USP34: variants seen among roughly 807,000 people sequenced by gnomAD.
The protein encoded by USP34 is ubiquitin carboxyl-terminal hydrolase 34.
Under a neutral mutation model 460.3 loss-of-function variants are expected in USP34, and 70 were observed. The ratio of observed to expected loss-of-function variants is 0.15; its 90% CI spans 0.13 to 0.19. The LOEUF is 0.19. Ranked by LOEUF, USP34 falls within the 10% of genes least tolerant of loss-of-function variation. USP34 has a pLI of 1.00. For synonymous variants in USP34, 1,647 were observed against 1,405.3 expected (o/e 1.17, Z -3.85); for missense variants, 3,985 against 4,236.2 (o/e 0.94, Z 1.65).
intron 10 of USP34, among the ~76,000 whole-genome samples, chr2:61,363,364 G>A (rs879269870): frequency 6.6e-6 from 1 of 152,136 alleles, no homozygotes; most frequent in Non-Finnish European, 1.5e-5. Flanking sequence ...CTAGGTACAC[G>A]ATCTTGTGTG....
chr2:61,417,802 C>T (rs1278226331), intron 2 of USP34, among the ~76,000 whole-genome samples: 4 of 133,648 alleles, frequency 3.0e-5, no homozygotes, highest in Non-Finnish European at 6.1e-5. Flanking sequence ...AGTACAGTGG[C>T]GTGATCTCAG....
chr2:61,242,435 AAG>A (rs1208329166), intron 51 of USP34, among the ~76,000 whole-genome samples: 23 of 148,764 alleles, frequency 1.5e-4, no homozygotes, highest in African/African-American at 5.2e-4. Context: ...AGAAAAAGGT[AAG>A]AGTCAACCAA....
At chr2:61,317,933 C>T (rs920946067) in intron 22 of USP34, among the ~76,000 whole-genome samples, 166 bp from the exon 23 acceptor site, 2 of 151,992 alleles carry the variant, frequency 1.3e-5, no homozygotes, top group East Asian at 1.9e-4. Context: ...TTGCTGGGCA[C>T]GGTGGCTCAG....
chr2:61,344,767 G>C (rs1346939702), intron 15 of USP34, among the ~76,000 whole-genome samples: 3 of 152,136 alleles, frequency 2.0e-5, no homozygotes, highest in Admixed American at 6.5e-5. Flanking sequence ...GTGAATGTTT[G>C]TATCTATAAT....
At chr2:61,194,321 A>C in intron 75 of USP34, 3 of 984,694 alleles carry the variant, frequency 3.0e-6, no homozygotes, top group Non-Finnish European at 3.6e-6. Context: ...GTATCACCAC[A>C]CACATAGGTA....
At chr2:61,256,580 A>AT (rs1261253022) in intron 47 of USP34, 102 bp from the exon 48 acceptor site, 275 of 760,300 alleles carry the variant, frequency 3.6e-4, no homozygotes, top group South Asian at 5.6e-4. Flanking sequence ...CAGCAAAAAA[A>AT]TTTTTTTTTT....
At chr2:61,376,028 CAG>C in intron 8 of USP34, among the ~76,000 whole-genome samples, 1 of 152,076 alleles carries the variant, frequency 6.6e-6, no homozygotes, top group East Asian at 1.9e-4. Flanking sequence ...TCTACAGAGA[CAG>C]AAAGTAGATT....
At chr2:61,394,370 G>A (rs1231322268) in intron 5 of USP34, among the ~76,000 whole-genome samples, 1 of 151,592 alleles carries the variant, frequency 6.6e-6, no homozygotes, top group African/African-American at 2.4e-5. Flanking sequence ...AAATGGCCTG[G>A]GCAACATGGT....
intron 48 of USP34, 108 bp downstream of exon 48, chr2:61,256,276 T>G: frequency 1.0e-6 from 1 of 1,004,988 alleles, no homozygotes; most frequent in Non-Finnish European, 1.5e-6. Flanking sequence ...ATGCAGCTGA[T>G]TTTACCTTCA....
At position 61,343,870 on chromosome 2, in the gene USP34, G is replaced by T. The variant is rs369333817; in HGVS notation, c.2445C>A (p.His815Gln). 5.0e-6 allele frequency: 8 copies of T among 1,613,950 alleles called. No homozygotes were observed. Among genetic ancestry groups the T allele is most frequent in the Non-Finnish European group, 6.8e-6 (8 of 1,179,928 alleles). Residue 815 changes from histidine to glutamine, a missense_variant, in exon 16 of 80, where the codon CAC (histidine) becomes CAA (glutamine). By Grantham distance (24) the His-to-Gln change is conservative (BLOSUM62 0). This residue lies in a region of USP34 where 716 missense variants were observed against 626.2 expected (regional missense o/e 1.14). Coordinates refer to ENST00000398571, the MANE Select transcript of USP34 (RefSeq NM_014709.4). ...CTAAATTGGGAAGATGTTGTTGGAGGTGAGATGTCAGTTCCGCATGTGAAT... is the reference window on the plus strand; with the variant it reads ...CTAAATTGGGAAGATGTTGTTGGAGTTGAGATGTCAGTTCCGCATGTGAAT... Reference protein sequence around the residue: ...QINSHAELTSHLQQHLPNLAS... With the variant: ...QINSHAELTSQLQQHLPNLAS...
chr2:61,333,217 C>T (rs73936121), intron 19 of USP34, among the ~76,000 whole-genome samples: 5,049 of 152,100 alleles, frequency 0.033, 280 homozygotes, highest in African/African-American at 0.12. Flanking sequence ...ATTATTGTAA[C>T]ATTCATTAAT....
rs1688668196 is a variant in USP34, at chr2:61,254,483, C to T, written c.6221+1901G>A. Among the ~76,000 whole-genome samples, 3 of 152,206 alleles carry T rather than the reference C, an allele frequency of 2.0e-5. No individual in the cohort carries two copies. The South Asian group carries it at 6.2e-4, about 31-fold the overall frequency. On this transcript the variant is annotated intron_variant, in intron 48 of 79. Coordinates refer to ENST00000398571, the MANE Select transcript of USP34 (RefSeq NM_014709.4). Reference sequence around the variant, plus strand: ...CATGTGAATACACTACTTAAAAATGCAGGCTGGCCTAATCCTAGATTTTTT... The same window carrying T: ...CATGTGAATACACTACTTAAAAATGTAGGCTGGCCTAATCCTAGATTTTTT...
chr2:61,273,284 G>T (rs764815689), intron 41 of USP34, among the ~76,000 whole-genome samples: 4 of 152,078 alleles, frequency 2.6e-5, no homozygotes, highest in Non-Finnish European at 2.9e-5. Context: ...AGTTAATTCT[G>T]CATCAATCTG....
In USP34 at chr2:61,281,084, T is replaced by C; in HGVS notation, c.5151+6A>G. 1.9e-6 allele frequency: 3 copies of C among 1,612,606 alleles called. No individual in the cohort carries two copies. The highest frequency in any genetic ancestry group is 2.5e-6 in the Non-Finnish European group (3 of 1,179,202). On this transcript the variant is annotated splice_donor_region_variant and intron_variant, in intron 38 of 79. Coordinates refer to ENST00000398571, the MANE Select transcript of USP34 (RefSeq NM_014709.4). ...GAAACTGCTTCTAAACACAGTAAAA[T>C]CTTACCCTAATAGGTTTGAGTGCTT...
chr2:61,446,197 A>G (rs369635875), intron 1 of USP34, among the ~76,000 whole-genome samples: 11 of 151,628 alleles, frequency 7.3e-5, no homozygotes, highest in South Asian at 4.2e-4. Context: ...TTCATTCCAT[A>G]TTTTCCACCA....
intron 6 of USP34, 73 bp from the exon 7 acceptor site, chr2:61,380,434 A>G: frequency 1.4e-6 from 2 of 1,455,268 alleles, no homozygotes; most frequent in South Asian, 1.3e-5. Context: ...GTAACTTAAA[A>G]TGTACATTGT....
chr2:61,367,159 C>T (rs1005544671), intron 10 of USP34, among the ~76,000 whole-genome samples: 2 of 152,144 alleles, frequency 1.3e-5, no homozygotes, highest in African/African-American at 4.8e-5. Context: ...GCGAGAAGGA[C>T]TAAGATTCAA....
chr2:61,441,770 C>T (rs1429481703), intron 1 of USP34, among the ~76,000 whole-genome samples: 1 of 124,788 alleles, frequency 8.0e-6, no homozygotes, highest in African/African-American at 3.2e-5. Context: ...CACTGAACTA[C>T]AGCCTGGGCA....
At chr2:61,325,308 CA>C in intron 21 of USP34, 66 bp downstream of exon 21, 2 of 1,058,484 alleles carry the variant, frequency 1.9e-6, no homozygotes, top group Non-Finnish European at 2.7e-6. Context: ...AAATCAGAAG[CA>C]AAAGTAAATT....
Sources: gnomAD v4.1 joint callset for allele counts (sites outside exome capture counted in the v4.1 genomes callset) on GRCh38, gnomAD v4.1.1 for gene constraint, gnomAD v4.1.1 regional missense constraint, MANE v1.5 for transcripts, NCBI Gene and HGNC (gene_info 2026-07-23, HGNC 2026-07-21) for gene names.